Variants in OR9G1 observed in about 807,000 individuals in gnomAD.
OR9G1 encodes the protein olfactory receptor 9G1.
A neutral mutation model predicts 14.5 loss-of-function variants in OR9G1; 21 were observed. That is an observed-to-expected ratio of 1.45 (90% CI 1.03 to 2.09). OR9G1 has a LOEUF of 2.09. OR9G1 is among the 30% of genes most tolerant of loss of function. The pLI is 0.00. For missense variants in OR9G1, 476 were observed against 364.2 expected (o/e 1.31, Z -2.50); for synonymous variants, 179 against 153.3 (o/e 1.17, Z -1.24).
intron 1 of OR9G1, 57 bp from the exon 2 acceptor site, chr11:56,700,313 A>G (rs1044433820): frequency 2.5e-5 from 39 of 1,573,584 alleles, no homozygotes; most frequent in Non-Finnish European, 3.0e-5. Context: ...CTTATGTAAC[A>G]TAATTCTACA....
rs1338898815 is a variant in OR9G1 at position 56,700,998 on chromosome 11, C to T, written c.611C>T (p.Ser204Phe). The change falls in exon 2 of 2, where the codon TCC becomes TTC. Residue 204 changes from serine (S) to phenylalanine (F), a missense_variant. Transcript: ENST00000642097. ...YKIMMYFLLA[S>F]NVICPAVLIL... is the part of the protein sequence containing the mutation. ...ATTATGATGTACTTCCTGCTGGCCT[C>T]CAATGTCATCTGCCCCGCAGTGCTC... 4.3e-6 allele frequency: 7 copies of T among 1,614,148 alleles called. No homozygotes were observed. Among genetic ancestry groups the T allele is most frequent in the Non-Finnish European group, 5.9e-6 (7 of 1,180,018 alleles).
rs1341991109 is a variant in OR9G1, at chr11:56,703,504, AT to A, written c.*2205del. On this transcript the variant is annotated 3_prime_UTR_variant, in exon 2 of 2. Transcript: ENST00000642097. ...AAAATTCCTATAAAACACATTCTTC[AT>A]TTTTTAAAGTAATGTTAACAGACTC... 12 of 246 alleles carry A rather than the reference AT, an allele frequency of 0.049. No individual in the cohort carries two copies. Among genetic ancestry groups the A allele is most frequent in the Admixed American group, 0.15 (7 of 46 alleles). The allele number at this position is 246 out of a possible 1,614,324, so 0.0% of individuals were successfully genotyped here.
rs1195319342 is a variant in OR9G1, at chr11:56,702,130, G to A, written c.*825G>A. ...TTATTTTTAATAGATATTTTATAGA[G>A]AGAATATGTATGTACAGGTGTGATT... On this transcript the variant is annotated 3_prime_UTR_variant, in exon 2 of 2. Transcript: ENST00000642097. The A allele has an allele frequency of 6.6e-6, 1 of 152,286 alleles. No homozygotes were observed. The highest frequency in any genetic ancestry group is 2.4e-5 in the African/African-American group (1 of 41,480). 9.4% of individuals were successfully genotyped at this position (152,286 alleles called of 1,614,324 possible). A position where few individuals can be genotyped will look rare whatever the true frequency, so the allele number is the denominator to read the frequency against.
At position 56,701,273 on chromosome 11, in the gene OR9G1, G is replaced by A. The variant is rs1857627077; in HGVS notation, c.886G>A (p.Val296Met). The A allele has an allele frequency of 6.2e-7, 1 of 1,610,498 alleles. No individual in the cohort carries two copies. Among genetic ancestry groups the A allele is most frequent in the Admixed American group, 1.7e-5 (1 of 59,224 alleles). ...LMIYSLRNKD[V>M]KEALKKLLP ...GATCTACAGCCTAAGGAATAAGGAT[G>A]TGAAAGAGGCTCTGAAAAAACTTCT... is the stretch of plus-strand genomic sequence containing the variant. Residue 296 changes from valine (V) to methionine (M), a missense_variant, in exon 2 of 2, where the codon GTG becomes ATG. Val to Met is a conservative substitution (Grantham distance 21). Transcript: ENST00000642097.
chr11:56,703,821 A>G lies in OR9G1; in HGVS notation c.*2516A>G, dbSNP rs75236715. 3.9e-5 allele frequency: 6 copies of G among 152,298 alleles called. No homozygotes were observed. The highest frequency in any genetic ancestry group is 1.4e-4 in the African/African-American group (6 of 41,486). The allele number at this position is 152,298 out of a possible 1,614,324, so 9.4% of individuals were successfully genotyped here. On this transcript the variant is annotated 3_prime_UTR_variant, in exon 2 of 2. Coordinates refer to ENST00000642097, the MANE Select transcript of OR9G1 (RefSeq NM_001005213.2). ...CATATATTGTAAACATAGCTCGCTA[A>G]GTGCATATTCATATTATTTTATACT... is the stretch of plus-strand genomic sequence containing the variant.
Position 56,700,747 on chromosome 11 carries a change from C to G in OR9G1, c.360C>G (p.Asp120Glu). ...ECYLLAAVAY[D>E]RYVAISKPLL... is the part of the protein sequence containing the mutation. ...ACCTGCTGGCTGCCGTGGCTTATGACCGCTACGTGGCCATCTCCAAGCCCC... is the reference window on the plus strand; with the variant it reads ...ACCTGCTGGCTGCCGTGGCTTATGAGCGCTACGTGGCCATCTCCAAGCCCC... Residue 120 changes from aspartate to glutamate, a missense_variant, in exon 2 of 2, where the codon GAC (aspartate) becomes GAG (glutamate). By Grantham distance (45) the Asp-to-Glu change is conservative. Coordinates refer to ENST00000642097, the MANE Select transcript of OR9G1 (RefSeq NM_001005213.2). 1 of 1,614,312 alleles carries G rather than the reference C, an allele frequency of 6.2e-7. No homozygotes were observed. Among genetic ancestry groups the G allele is most frequent in the South Asian group, 1.1e-5 (1 of 91,092 alleles).
chr11:56,701,015 G>A lies in OR9G1; in HGVS notation c.628G>A (p.Ala210Thr), dbSNP rs373762637. The A allele has an allele frequency of 1.1e-4, 184 of 1,614,196 alleles. No individual in the cohort carries two copies. The highest frequency in any genetic ancestry group is 4.9e-4 in the Middle Eastern group (3 of 6,062). The change falls in exon 2 of 2, where the codon GCA becomes ACA. Residue 210 changes from alanine (A) to threonine (T), a missense_variant. Physicochemically the swap from Ala to Thr is moderately conservative, Grantham distance 58 (BLOSUM62 0). Around this residue, in one of 3 missense-constraint regions of OR9G1, gnomAD observed 352 missense variants for 211.6 expected, o/e 1.66. Coordinates refer to ENST00000642097, the MANE Select transcript of OR9G1 (RefSeq NM_001005213.2). ...GCTGGCCTCCAATGTCATCTGCCCC[G>A]CAGTGCTCATCCTGGCCTCCTACCT... is the stretch of plus-strand genomic sequence containing the variant. ...FLLASNVICP[A>T]VLILASYLFI...
Position 56,702,509 on chromosome 11 carries a change from A to C in OR9G1, c.*1204A>C, listed in dbSNP as rs938149285. 1.3e-5 allele frequency: 2 copies of C among 152,258 alleles called. No homozygotes were observed. Among genetic ancestry groups the C allele is most frequent in the Non-Finnish European group, 2.9e-5 (2 of 68,044 alleles). 9.4% of individuals were successfully genotyped at this position (152,258 alleles called of 1,614,324 possible). A position where few individuals can be genotyped will look rare whatever the true frequency, so the allele number is the denominator to read the frequency against. On this transcript the variant is annotated 3_prime_UTR_variant, in exon 2 of 2. Transcript: ENST00000642097. ...AATGGCTGTGCTAATGTACATTCCC[A>C]TCAATGGAGTATAAGAGTTCCCTTT...
At chr11:56,699,533 T>C (rs1857570658) in intron 1 of OR9G1, among the ~76,000 whole-genome samples, 1 of 152,312 alleles carries the variant, frequency 6.6e-6, no homozygotes, top group African/African-American at 2.4e-5. Context: ...ACCTACAAAA[T>C]GACTTAGGTT....
rs965413854 is a variant in OR9G1, at chr11:56,702,979, T to G, written c.*1674T>G. The G allele has an allele frequency of 6.7e-6, 1 of 148,612 alleles. No individual in the cohort carries two copies. The highest frequency in any genetic ancestry group is 2.5e-5 in the African/African-American group (1 of 40,316). The allele number at this position is 148,612 out of a possible 1,614,324, so 9.2% of individuals were successfully genotyped here. The stretch of plus-strand genomic sequence containing the variant: ...ATAATAATTAGTCGAAGATGTTCAA[T>G]CTACAATGTATACATGTACTGAAGC... On this transcript the variant is annotated 3_prime_UTR_variant, in exon 2 of 2. Coordinates refer to ENST00000642097, the MANE Select transcript of OR9G1 (RefSeq NM_001005213.2).
At position 56,701,243 on chromosome 11, in the gene OR9G1, C is replaced by G; in HGVS notation, c.856C>G (p.Leu286Val). Reference sequence around the variant, plus strand: ...CACTGTGGTATTCCCCATGTTGAATCTCATGATCTACAGCCTAAGGAATAA... The same window carrying G: ...CACTGTGGTATTCCCCATGTTGAATGTCATGATCTACAGCCTAAGGAATAA... ...FYTVVFPMLN[L>V]MIYSLRNKDV... is the part of the protein sequence containing the mutation. Residue 286 changes from leucine (L) to valine (V), a missense_variant, in exon 2 of 2, where the codon CTC becomes GTC. Transcript: ENST00000642097. 1 of 1,614,244 alleles carries G rather than the reference C, an allele frequency of 6.2e-7. No homozygotes were observed. Among genetic ancestry groups the G allele is most frequent in the South Asian group, 1.1e-5 (1 of 91,088 alleles).
rs75236715 is a variant in OR9G1 at position 56,703,821 on chromosome 11, A to C, written c.*2516A>C. On this transcript the variant is annotated 3_prime_UTR_variant, in exon 2 of 2. Coordinates refer to ENST00000642097, the MANE Select transcript of OR9G1 (RefSeq NM_001005213.2). ...CATATATTGTAAACATAGCTCGCTA[A>C]GTGCATATTCATATTATTTTATACT... 6.6e-6 allele frequency: 1 copy of C among 152,298 alleles called. No individual in the cohort carries two copies. Among genetic ancestry groups the C allele is most frequent in the South Asian group, 2.1e-4 (1 of 4,838 alleles). The allele number at this position is 152,298 out of a possible 1,614,324, so 9.4% of individuals were successfully genotyped here.
At chr11:56,700,292 G>A in intron 1 of OR9G1, 78 bp from the exon 2 acceptor site, 3 of 1,534,886 alleles carry the variant, frequency 2.0e-6, no homozygotes, top group Non-Finnish European at 2.6e-6. Context: ...ACGAAACACT[G>A]CAAATGTGAT....
chr11:56,701,552 C>A lies in OR9G1; in HGVS notation c.*247C>A. The A allele has an allele frequency of 1.7e-6, 1 of 604,214 alleles. No homozygotes were observed. Among genetic ancestry groups the A allele is most frequent in the Non-Finnish European group, 2.6e-6 (1 of 377,810 alleles). 37.4% of individuals were successfully genotyped at this position (604,214 alleles called of 1,614,324 possible). A position where few individuals can be genotyped will look rare whatever the true frequency, so the allele number is the denominator to read the frequency against. On this transcript the variant is annotated 3_prime_UTR_variant, in exon 2 of 2. Transcript: ENST00000642097. The stretch of plus-strand genomic sequence containing the variant: ...ATAAACCTTAAGCCCAAAACCTCTC[C>A]TATACCTTCATAAAGTGAGGAACAG...
rs1554964236 is a variant in OR9G1 at position 56,701,221 on chromosome 11, T to C, written c.834T>C (p.Thr278=). The C allele has an allele frequency of 2.5e-6, 4 of 1,614,288 alleles. No homozygotes were observed. The highest frequency in any genetic ancestry group is 3.4e-6 in the Non-Finnish European group (4 of 1,180,042). Residue 278 remains threonine, a synonymous_variant, in exon 2 of 2, where the codon ACT becomes ACC. Coordinates refer to ENST00000642097, the MANE Select transcript of OR9G1 (RefSeq NM_001005213.2). ...DMDKIVSTFY[T]VVFPMLNLMI... is the part of the protein sequence containing the mutation. Reference sequence around the variant, plus strand: ...ACAAAATAGTTTCTACATTTTACACTGTGGTATTCCCCATGTTGAATCTCA... The same window carrying C: ...ACAAAATAGTTTCTACATTTTACACCGTGGTATTCCCCATGTTGAATCTCA...
intron 1 of OR9G1, 117 bp from the exon 2 acceptor site, chr11:56,700,253 A>T (rs1378663700): frequency 3.1e-5 from 44 of 1,425,298 alleles, no homozygotes; most frequent in Non-Finnish European, 3.4e-5. Flanking sequence ...TTTCTAAAAC[A>T]AACAATTAGA....
At position 56,702,976 on chromosome 11, in the gene OR9G1, C is replaced by T. The variant is rs1186960556; in HGVS notation, c.*1671C>T. 4 of 148,450 alleles carry T rather than the reference C, an allele frequency of 2.7e-5. No individual in the cohort carries two copies. The highest frequency in any genetic ancestry group is 6.0e-5 in the Non-Finnish European group (4 of 66,800). 9.2% of individuals were successfully genotyped at this position (148,450 alleles called of 1,614,324 possible). A position where few individuals can be genotyped will look rare whatever the true frequency, so the allele number is the denominator to read the frequency against. ...GACATAATAATTAGTCGAAGATGTT[C>T]AATCTACAATGTATACATGTACTGA... is the stretch of plus-strand genomic sequence containing the variant. On this transcript the variant is annotated 3_prime_UTR_variant, in exon 2 of 2. Transcript: ENST00000642097.
chr11:56,700,237 G>A (rs1407450445), intron 1 of OR9G1, 133 bp from the exon 2 acceptor site: 2 of 1,380,210 alleles, frequency 1.4e-6, no homozygotes, highest in East Asian at 2.5e-5. Flanking sequence ...GTTGCAAAAT[G>A]AAGACTTTCT....
rs1857631258 is a variant in OR9G1, at chr11:56,701,404, C to CT, written c.*99_*100insT. 379 of 1,457,428 alleles carry CT rather than the reference C, an allele frequency of 2.6e-4. No individual in the cohort carries two copies. Among genetic ancestry groups the CT allele is most frequent in the Admixed American group, 4.2e-4 (17 of 40,182 alleles). 90.3% of individuals were successfully genotyped at this position (1,457,428 alleles called of 1,614,324 possible). A position where few individuals can be genotyped will look rare whatever the true frequency, so the allele number is the denominator to read the frequency against. ...CCATTGTGCTTTATCGTGATCAGTC[C>CT]CCTTCTTGACACGTGAGAGTTACAG... is the stretch of plus-strand genomic sequence containing the variant. On this transcript the variant is annotated 3_prime_UTR_variant, in exon 2 of 2. Transcript: ENST00000642097.
Sources: allele counts gnomAD v4.1 joint callset (sites outside exome capture counted in the v4.1 genomes callset), GRCh38; gene constraint gnomAD v4.1.1; regional missense constraint gnomAD v4.1.1; transcripts MANE v1.5; gene names NCBI Gene and HGNC (gene_info 2026-07-23, HGNC 2026-07-21).